The following EPB41L4A variants were observed in gnomAD, a reference collection of about 807,000 sequenced individuals.
EPB41L4A encodes band 4.1-like protein 4A.
Under a neutral mutation model 108.6 loss-of-function variants are expected in EPB41L4A, and 100 were observed. The ratio of observed to expected loss-of-function variants is 0.92; its 90% CI spans 0.78 to 1.09. The LOEUF is 1.09. Ranked by LOEUF, EPB41L4A falls within the 50% of genes least tolerant of loss-of-function variation. The probability of loss-of-function intolerance (pLI) is 0.00; values close to 1 mark genes in which losing one functional copy is unlikely to be tolerated. For synonymous variants in EPB41L4A, 319 were observed against 289.0 expected (o/e 1.10, Z -1.05); for missense variants, 1,030 against 842.7 (o/e 1.22, Z -2.75).
At chr5:112,278,900 C>CAA (rs763389771) in intron 3 of EPB41L4A, among the ~76,000 whole-genome samples, 8 of 117,522 alleles carry the variant, frequency 6.8e-5, no homozygotes, top group African/African-American at 1.8e-4. Context: ...ACTAAAAATA[C>CAA]AAAAAAAAAA....
At chr5:112,394,453 A>C (rs911335704) in intron 1 of EPB41L4A, among the ~76,000 whole-genome samples, 1 of 152,146 alleles carries the variant, frequency 6.6e-6, no homozygotes, top group African/African-American at 2.4e-5. Context: ...ATAACAAACA[A>C]ACAGAGAGCC....
chr5:112,189,622 G>C, intron 17 of EPB41L4A, among the ~76,000 whole-genome samples: 1 of 152,086 alleles, frequency 6.6e-6, no homozygotes, highest in Middle Eastern at 3.4e-3. Flanking sequence ...AGCTGCTCTC[G>C]TTTCTCTGTT....
intron 1 of EPB41L4A, among the ~76,000 whole-genome samples, chr5:112,354,408 C>G (rs911632718): frequency 5.3e-5 from 8 of 152,094 alleles, no homozygotes; most frequent in Non-Finnish European, 1.0e-4. Context: ...AATAAACAAC[C>G]TGGAACAGAT....
intron 4 of EPB41L4A, chr5:112,275,096 C>G: frequency 9.7e-6 from 4 of 413,330 alleles, no homozygotes; most frequent in Non-Finnish European, 1.7e-5. Context: ...ACAGCAGATG[C>G]AAAATGTATC....
intron 18 of EPB41L4A, among the ~76,000 whole-genome samples, chr5:112,176,170 T>C (rs1177252151): frequency 6.6e-6 from 1 of 152,164 alleles, no homozygotes; most frequent in African/African-American, 2.4e-5. Context: ...AGCAAAATCC[T>C]AAGAGCGTGG....
intron 1 of EPB41L4A, among the ~76,000 whole-genome samples, chr5:112,348,239 T>C (rs1420894224): frequency 2.0e-5 from 3 of 152,180 alleles, no homozygotes; most frequent in East Asian, 3.9e-4. Context: ...CATGAAACCA[T>C]CTGCGACACC....
At chr5:112,142,407 A>G (rs532456633), downstream of EPB41L4A, 11 of 152,364 alleles carry the variant, frequency 7.2e-5, no homozygotes, top group African/African-American at 2.6e-4. Context: ...CTAAAATAGC[A>G]TCTGGTAATT....
At chr5:112,381,579 A>C (rs1760177710) in intron 1 of EPB41L4A, among the ~76,000 whole-genome samples, 1 of 152,254 alleles carries the variant, frequency 6.6e-6, no homozygotes, top group South Asian at 2.1e-4. Context: ...GAAGCATATT[A>C]ATATCTCACA....
chr5:112,202,809 G>A (rs2059795), intron 15 of EPB41L4A, among the ~76,000 whole-genome samples: 38,423 of 151,786 alleles, frequency 0.25, 4,933 homozygotes, highest in East Asian at 0.3. Flanking sequence ...TATTAACTAG[G>A]GCATAGGTGA....
chr5:112,243,371 G>A (rs1749960734), intron 9 of EPB41L4A, among the ~76,000 whole-genome samples: 1 of 151,586 alleles, frequency 6.6e-6, no homozygotes, highest in Non-Finnish European at 1.5e-5. Context: ...CATTTATAGA[G>A]CACAGAGTAC....
At chr5:112,332,165 G>A (rs1756614170) in intron 1 of EPB41L4A, among the ~76,000 whole-genome samples, 1 of 152,174 alleles carries the variant, frequency 6.6e-6, no homozygotes, top group South Asian at 2.1e-4. Context: ...TGCCTCTATT[G>A]TTCCAATTCC....
intron 2 of EPB41L4A, among the ~76,000 whole-genome samples, chr5:112,295,536 ATT>A (rs1753933275): frequency 6.6e-6 from 1 of 152,116 alleles, no homozygotes; most frequent in Non-Finnish European, 1.5e-5. Flanking sequence ...TCCATTCCCA[ATT>A]TACTGAAAGG....
intron 1 of EPB41L4A, among the ~76,000 whole-genome samples, chr5:112,412,961 T>C (rs1762497834): frequency 6.6e-6 from 1 of 152,214 alleles, no homozygotes; most frequent in Non-Finnish European, 1.5e-5. Flanking sequence ...AGATTAGGTT[T>C]AAACAGCTTC....
At chr5:112,338,605 G>A (rs10041071) in intron 1 of EPB41L4A, among the ~76,000 whole-genome samples, 81,102 of 149,716 alleles carry the variant, frequency 0.54, 23,856 homozygotes, top group South Asian at 0.71. Flanking sequence ...AACACCCCCC[G>A]CCACCACACA....
chr5:112,408,408 G>A (rs1762208280), intron 1 of EPB41L4A, among the ~76,000 whole-genome samples: 1 of 152,036 alleles, frequency 6.6e-6, no homozygotes, highest in Admixed American at 6.5e-5. Context: ...CCTTCAGAAA[G>A]TATAAAGATG....
At chr5:112,149,576 ATAAGCCCTTC>A (rs1165007312) in intron 12 of EPB41L4A, among the ~76,000 whole-genome samples, 1 of 152,238 alleles carries the variant, frequency 6.6e-6, no homozygotes, top group Non-Finnish European at 1.5e-5. Flanking sequence ...AGGATTAGTG[ATAAGCCCTTC>A]TAATGTTCTT....
At chr5:112,195,942 C>T (rs1200983971) in intron 15 of EPB41L4A, among the ~76,000 whole-genome samples, 1 of 152,172 alleles carries the variant, frequency 6.6e-6, no homozygotes, top group East Asian at 1.9e-4. Flanking sequence ...GTCCGAATTC[C>T]ATTAATCCAA....
chr5:112,360,566 C>T (rs1411546659), intron 1 of EPB41L4A, among the ~76,000 whole-genome samples: 2 of 152,350 alleles, frequency 1.3e-5, no homozygotes, highest in South Asian at 2.1e-4. Context: ...GAGTCTCGCT[C>T]ACTCAGTGCT....
At chr5:112,161,345 A>G (rs1315945618), downstream of EPB41L4A, 1 of 394,604 alleles carries the variant, frequency 2.5e-6, no homozygotes, top group Non-Finnish European at 5.0e-6. Context: ...AACGCATCGC[A>G]TTTCACTTTT....
Sources: allele counts gnomAD v4.1 joint callset (sites outside exome capture counted in the v4.1 genomes callset), GRCh38; gene constraint gnomAD v4.1.1; transcripts MANE v1.5; gene names NCBI Gene and HGNC (gene_info 2026-07-23, HGNC 2026-07-21).